PPP2R2B: variants seen among roughly 807,000 people sequenced by gnomAD.
The protein encoded by PPP2R2B is protein phosphatase 2 regulatory subunit Bbeta.
Under a neutral mutation model 46.0 loss-of-function variants are expected in PPP2R2B, and 5 were observed. The ratio of observed to expected loss-of-function variants is 0.11; its 90% CI spans 0.06 to 0.23. The LOEUF (loss-of-function observed/expected upper bound fraction) is 0.23, where lower values mean the gene tolerates loss of function less well. Among genes scored for constraint, PPP2R2B ranks in the 10% least tolerant of loss-of-function variants. The probability of loss-of-function intolerance (pLI) is 1.00; values close to 1 mark genes in which losing one functional copy is unlikely to be tolerated. For missense variants in PPP2R2B, 367 were observed against 575.0 expected, an observed-to-expected ratio of 0.64 and a Z score of 3.70; for synonymous variants, 215 against 206.7, an observed-to-expected ratio of 1.04 and a Z score of -0.34.
chr5:146,841,448 T>G (rs913482607), intron 2 of PPP2R2B, among the ~76,000 whole-genome samples: 4 of 152,116 alleles, frequency 2.6e-5, no homozygotes, highest in African/African-American at 9.7e-5. Flanking sequence ...CTATTTGCAT[T>G]TTCTGATTGT....
chr5:146,600,906 G>A (rs900828474), intron 7 of PPP2R2B, among the ~76,000 whole-genome samples: 5 of 152,116 alleles, frequency 3.3e-5, no homozygotes, highest in Non-Finnish European at 7.4e-5. Flanking sequence ...TTTAGAATAT[G>A]TTCTTTACCT....
intron 2 of PPP2R2B, among the ~76,000 whole-genome samples, chr5:147,072,849 G>T (rs1187571886): frequency 6.6e-6 from 1 of 152,172 alleles, no homozygotes; most frequent in Non-Finnish European, 1.5e-5. Flanking sequence ...TAAAATGTGG[G>T]TCTGTGTACC....
chr5:147,070,264 A>C (rs1757547374), intron 2 of PPP2R2B, among the ~76,000 whole-genome samples: 1 of 152,184 alleles, frequency 6.6e-6, no homozygotes, highest in Admixed American at 6.5e-5. Flanking sequence ...ATATTTACTG[A>C]ATAAATGGAT....
intron 2 of PPP2R2B, among the ~76,000 whole-genome samples, chr5:146,836,112 T>C (rs1462531747): frequency 6.6e-6 from 1 of 152,222 alleles, no homozygotes; most frequent in African/African-American, 2.4e-5. Flanking sequence ...TTTTGCTAAA[T>C]TGTAACAGAA....
intron 2 of PPP2R2B, among the ~76,000 whole-genome samples, chr5:146,819,770 T>C (rs1261535628): frequency 6.6e-6 from 1 of 152,186 alleles, no homozygotes; most frequent in African/African-American, 2.4e-5. Flanking sequence ...ACTTGGTATA[T>C]ATCCCAAGGA....
At chr5:146,726,469 A>G (rs780413906) in intron 2 of PPP2R2B, among the ~76,000 whole-genome samples, 20 of 152,194 alleles carry the variant, frequency 1.3e-4, no homozygotes, top group Non-Finnish European at 2.9e-5. Context: ...TATTAACAAT[A>G]GTGACCATAT....
At chr5:146,651,644 G>C (rs2151095413) in intron 5 of PPP2R2B, among the ~76,000 whole-genome samples, 1 of 152,156 alleles carries the variant, frequency 6.6e-6, no homozygotes, top group East Asian at 1.9e-4. Flanking sequence ...AAACACCCAA[G>C]ACAGACAAAA....
At chr5:146,653,552 G>T (rs1776123660) in intron 5 of PPP2R2B, among the ~76,000 whole-genome samples, 1 of 152,148 alleles carries the variant, frequency 6.6e-6, no homozygotes, top group Non-Finnish European at 1.5e-5. Flanking sequence ...GGTCACAAAA[G>T]AAATGGAATC....
At chr5:146,890,881 A>AAACAGC (rs955682718) in intron 1 of PPP2R2B, among the ~76,000 whole-genome samples, 96 of 152,306 alleles carry the variant, frequency 6.3e-4, no homozygotes, top group African/African-American at 2.2e-3. Flanking sequence ...CTCCCCAGGA[A>AAACAGC]AACAGCAACA....
At chr5:146,643,992 C>T (rs1418710376) in intron 6 of PPP2R2B, among the ~76,000 whole-genome samples, 1 of 152,128 alleles carries the variant, frequency 6.6e-6, no homozygotes, top group Admixed American at 6.5e-5. Flanking sequence ...AAGGGTGTGG[C>T]TGTGTTCCAA....
At chr5:147,003,135 AT>A (rs1754263904) in intron 1 of PPP2R2B, among the ~76,000 whole-genome samples, 1 of 152,120 alleles carries the variant, frequency 6.6e-6, no homozygotes. Flanking sequence ...CTTTCTTTTC[AT>A]TGAAGGAGAA....
At chr5:147,077,752 T>G (rs1389618242) in intron 2 of PPP2R2B, among the ~76,000 whole-genome samples, 1 of 152,182 alleles carries the variant, frequency 6.6e-6, no homozygotes, top group Non-Finnish European at 1.5e-5. Context: ...AGTTTCTGCC[T>G]GTATTCACTA....
At chr5:146,596,057 G>A (rs1771137392) in intron 8 of PPP2R2B, among the ~76,000 whole-genome samples, 1 of 152,108 alleles carries the variant, frequency 6.6e-6, no homozygotes, top group Non-Finnish European at 1.5e-5. Flanking sequence ...AGCTCTGTGG[G>A]CCGTATGGTC....
At chr5:147,025,433 A>G (rs1561584278) in intron 1 of PPP2R2B, among the ~76,000 whole-genome samples, 1 of 151,994 alleles carries the variant, frequency 6.6e-6, no homozygotes, top group East Asian at 1.9e-4. Flanking sequence ...GCATTACCCC[A>G]ACGCTAAAGT....
At chr5:146,877,967 G>T in intron 2 of PPP2R2B, 35 bp downstream of exon 2, 1 of 1,600,912 alleles carries the variant, frequency 6.2e-7, no homozygotes, top group Non-Finnish European at 8.5e-7. Context: ...CTTGCGCCCG[G>T]CCCCAACGGC....
At chr5:146,768,526 G>T (rs926103418) in intron 2 of PPP2R2B, among the ~76,000 whole-genome samples, 5 of 152,010 alleles carry the variant, frequency 3.3e-5, no homozygotes, top group African/African-American at 1.2e-4. Flanking sequence ...CTCCAAATCT[G>T]GTCTCTCCAT....
intron 2 of PPP2R2B, among the ~76,000 whole-genome samples, chr5:146,764,348 C>G (rs1754342588): frequency 6.6e-6 from 1 of 152,178 alleles, no homozygotes; most frequent in Admixed American, 6.5e-5. Context: ...GGATATATCA[C>G]TTTGGCTTTA....
intron 1 of PPP2R2B, among the ~76,000 whole-genome samples, chr5:147,027,903 G>A (rs550511174): frequency 1.2e-4 from 19 of 152,212 alleles, no homozygotes; most frequent in African/African-American, 4.3e-4. Context: ...TCTTTTGGGC[G>A]ATGAGAGATA....
At chr5:147,027,407 G>A (rs951784060) in intron 1 of PPP2R2B, among the ~76,000 whole-genome samples, 7 of 152,122 alleles carry the variant, frequency 4.6e-5, no homozygotes, top group East Asian at 1.9e-4. Flanking sequence ...GGCAGAGGCC[G>A]GCGGATCATG....
Sources: gnomAD v4.1 joint callset for allele counts (sites outside exome capture counted in the v4.1 genomes callset) on GRCh38, gnomAD v4.1.1 for gene constraint, MANE v1.5 for transcripts, NCBI Gene and HGNC (gene_info 2026-07-23, HGNC 2026-07-21) for gene names.